The following CCDC142 variants were observed in gnomAD, a reference collection of about 807,000 sequenced individuals.
The protein encoded by CCDC142 is coiled-coil domain containing 142.
In CCDC142, 67 loss-of-function variants were observed where a neutral mutation model predicts 83.8. The ratio of observed to expected loss-of-function variants is 0.80; its 90% confidence interval spans 0.66 to 0.98. The LOEUF is 0.98. CCDC142 is among the 50% of genes least tolerant of loss of function. The pLI is 0.00. For missense variants in CCDC142, 905 were observed against 946.8 expected, an observed-to-expected ratio of 0.96 and a Z score of 0.58; for synonymous variants, 421 against 421.2, an observed-to-expected ratio of 1.00 and a Z score of 0.01.
At chr2:74,475,548 G>T in intron 6 of CCDC142, 64 bp downstream of exon 6, 2 of 1,487,328 alleles carry the variant, frequency 1.3e-6, no homozygotes, top group Non-Finnish European at 1.9e-6. Flanking sequence ...ACCGGAATTT[G>T]GAAGGGCTGA....
chr2:74,477,942 T>G (rs1295305952), intron 5 of CCDC142, among the ~76,000 whole-genome samples: 1 of 151,072 alleles, frequency 6.6e-6, no homozygotes, highest in African/African-American at 2.4e-5. Flanking sequence ...ACAGGGCACA[T>G]GTTCTCAGAT....
chr2:74,481,458 C>A lies in CCDC142; in HGVS notation c.1102G>T (p.Asp368Tyr). The A allele has an allele frequency of 6.2e-7, 1 of 1,614,066 alleles. No homozygotes were observed. Among genetic ancestry groups the A allele is most frequent in the South Asian group, 1.1e-5 (1 of 91,066 alleles). The change falls in exon 2 of 9, where the codon GAC (aspartate) becomes TAC (tyrosine). Residue 368 changes from aspartate to tyrosine, a missense_variant. Coordinates refer to ENST00000393965, the MANE Select transcript of CCDC142 (RefSeq NM_001365575.2). ...LLHQSLIWSW[D>Y]QGFCQALGSA... ...AGTGCCCCTTCCTTCTCACCTTGGT[C>A]CCAGCTCCAGATAAGCGACTGATGA...
In CCDC142 at chr2:74,472,869, C is replaced by T; in HGVS notation, c.*1677G>A. 1.7e-6 allele frequency: 1 copy of T among 604,102 alleles called. No individual in the cohort carries two copies. The highest frequency in any genetic ancestry group is 2.8e-5 in the East Asian group (1 of 36,022). 37.4% of individuals were successfully genotyped at this position (604,102 alleles called of 1,614,324 possible). ...AACGCATGGGGGAGCCCAAAGTAGG[C>T]TGTCAGCAAATACAGCCTATCATGA... is the stretch of plus-strand genomic sequence containing the variant. On this transcript the variant is annotated 3_prime_UTR_variant, in exon 9 of 9. Coordinates refer to ENST00000393965, the MANE Select transcript of CCDC142 (RefSeq NM_001365575.2).
At chr2:74,479,047 AGCTGGGCATTGTG>A (rs1246878330) in intron 5 of CCDC142, among the ~76,000 whole-genome samples, 1 of 149,234 alleles carries the variant, frequency 6.7e-6, no homozygotes, top group East Asian at 2.0e-4. Flanking sequence ...AAAAAAAAGT[AGCTGGGCATTGTG>A]GCTTCCACCT....
chr2:74,482,759 C>T lies in CCDC142; in HGVS notation c.79G>A (p.Gly27Arg), dbSNP rs1385975778. ...CGACTTCTCTCCCACTGCTCCTCCC[C>T]AGTGCCCCCGGGTTGCGCCCTCAGC... is the stretch of plus-strand genomic sequence containing the variant. ...PPLRAQPGGT[G>R]EEQWERSRTG... Residue 27 changes from glycine to arginine, a missense_variant, in exon 1 of 9, where the codon GGG becomes AGG. Gly to Arg is a moderately radical substitution (Grantham distance 125). Transcript: ENST00000393965. The surrounding 1 kb of genome is among the most constrained non-coding windows in gnomAD (Gnocchi z 5.0). The T allele has an allele frequency of 1.2e-6, 2 of 1,601,400 alleles. No individual in the cohort carries two copies. The highest frequency in any genetic ancestry group is 1.3e-5 in the African/African-American group (1 of 74,950).
In CCDC142 at chr2:74,482,885, G is replaced by A. The variant is rs772662169; in HGVS notation, c.-48C>T. On this transcript the variant is annotated 5_prime_UTR_variant, in exon 1 of 9. Coordinates refer to ENST00000393965, the MANE Select transcript of CCDC142 (RefSeq NM_001365575.2). The surrounding 1 kb of genome is among the most constrained non-coding windows in gnomAD (Gnocchi z 5.0). ...CCTAACGATTCCCACTTCCCTGCAC[G>A]GACCAACGCCCGCCGCAGCTCGGAC... 6.4e-7 allele frequency: 1 copy of A among 1,570,760 alleles called. No individual in the cohort carries two copies.
rs770434522 is a variant in CCDC142 at position 74,481,998 on chromosome 2, G to A, written c.840C>T (p.Gly280=). 1 of 1,613,710 alleles carries A rather than the reference G, an allele frequency of 6.2e-7. No homozygotes were observed. Among genetic ancestry groups the A allele is most frequent in the African/African-American group, 1.3e-5 (1 of 74,940 alleles). The part of the protein sequence containing the change: ...EEGDLLPGLL[G]LVGGVAGSAS... Reference sequence around the variant, plus strand: ...CTGAACCCGCCACGCCCCCGACCAGGCCCAGCAGCCCTGGTAGCAGATCCC... The same window carrying A: ...CTGAACCCGCCACGCCCCCGACCAGACCCAGCAGCCCTGGTAGCAGATCCC... Residue 280 remains glycine (G), a synonymous_variant, in exon 1 of 9, where the codon GGC becomes GGT. Transcript: ENST00000393965.
rs1420476808 is a variant in CCDC142, at chr2:74,482,870, C to T, written c.-33G>A. ...CGGGTCCAGAACGAACCTAACGATTCCCACTTCCCTGCACGGACCAACGCC... is the reference window on the plus strand; with the variant it reads ...CGGGTCCAGAACGAACCTAACGATTTCCACTTCCCTGCACGGACCAACGCC... On this transcript the variant is annotated 5_prime_UTR_variant, in exon 1 of 9. Transcript: ENST00000393965. This position sits in a 1 kb window ranked among gnomAD's most constrained non-coding sequence, Gnocchi z 5.0. The T allele has an allele frequency of 4.4e-6, 7 of 1,584,486 alleles. No homozygotes were observed. Among genetic ancestry groups the T allele is most frequent in the Non-Finnish European group, 6.0e-6 (7 of 1,171,350 alleles).
intron 3 of CCDC142, 54 bp downstream of exon 3, chr2:74,481,169 G>C: frequency 1.2e-6 from 2 of 1,611,906 alleles, no homozygotes; most frequent in Non-Finnish European, 1.7e-6. Context: ...CAGAGTGAAA[G>C]AAAAGAGATA....
chr2:74,476,255 C>T (rs1425757444), intron 5 of CCDC142, among the ~76,000 whole-genome samples: 1 of 152,134 alleles, frequency 6.6e-6, no homozygotes, highest in Non-Finnish European at 1.5e-5. Flanking sequence ...TCACTGCAAC[C>T]TCTGCCTCCC....
rs141112247 is a variant in CCDC142, at chr2:74,474,658, G to A, written c.2141C>T (p.Pro714Leu). ...CTGATTTCCCACCAGGTAGCCCTCC[G>A]GGCTAGGTCCCCTTCCTCCTAGTGT... ...QSTLGGRGPS[P>L]EGYLVGNQQA... The change falls in exon 9 of 9, where the codon CCG becomes CTG. Residue 714 changes from proline to leucine, a missense_variant. By Grantham distance (98) the Pro-to-Leu change is moderately conservative (BLOSUM62 -3). Transcript: ENST00000393965. 2.4e-5 allele frequency: 38 copies of A among 1,614,182 alleles called. No individual in the cohort carries two copies. The African/African-American group carries it at 3.5e-4, about 15-fold the overall frequency.
Position 74,482,692 on chromosome 2 carries a change from C to A in CCDC142, c.146G>T (p.Gly49Val). 1 of 1,609,848 alleles carries A rather than the reference C, an allele frequency of 6.2e-7. No individual in the cohort carries two copies. The highest frequency in any genetic ancestry group is 8.5e-7 in the Non-Finnish European group (1 of 1,179,966). The change falls in exon 1 of 9, where the codon GGA becomes GTA. Residue 49 changes from glycine to valine, a missense_variant. Physicochemically the swap from Gly to Val is moderately radical, Grantham distance 109 (BLOSUM62 -3). This residue lies in a region of CCDC142 where 591 missense variants were observed against 571.4 expected (regional missense o/e 1.03). Transcript: ENST00000393965. This position sits in a 1 kb window ranked among gnomAD's most constrained non-coding sequence, Gnocchi z 5.0. ...LRWEVHCWPS[G>V]TSGGTPWWPT... is the part of the protein sequence containing the mutation. ...CCACCACGGCGTCCCTCCAGAAGTTCCGCTCGGCCAGCAGTGAACCTCCCA... is the reference window on the plus strand; with the variant it reads ...CCACCACGGCGTCCCTCCAGAAGTTACGCTCGGCCAGCAGTGAACCTCCCA...
At chr2:74,479,040 A>G (rs1672389144) in intron 5 of CCDC142, among the ~76,000 whole-genome samples, 1 of 150,532 alleles carries the variant, frequency 6.6e-6, no homozygotes, top group African/African-American at 2.4e-5. Context: ...AAAAAAAAAA[A>G]AAAAGTAGCT....
chr2:74,481,545 G>A lies in CCDC142; in HGVS notation c.1022-7C>T. The A allele has an allele frequency of 1.2e-6, 2 of 1,613,692 alleles. No individual in the cohort carries two copies. The highest frequency in any genetic ancestry group is 8.5e-7 in the Non-Finnish European group (1 of 1,179,616). On this transcript the variant is annotated splice_polypyrimidine_tract_variant and splice_region_variant and intron_variant, in intron 1 of 8. Transcript: ENST00000393965. ...CACTCCTGAGGCAGGGATGCTAGTG[G>A]GAGAAATGACTCTGGGGCCTGAAAA...
chr2:74,479,924 C>T (rs1336904034), intron 5 of CCDC142, among the ~76,000 whole-genome samples: 5 of 152,036 alleles, frequency 3.3e-5, no homozygotes, highest in Admixed American at 6.6e-5. Flanking sequence ...AGAAATGTGC[C>T]GATAACTGGT....
rs1672306171 is a variant in CCDC142 at position 74,475,624 on chromosome 2, G to A, written c.1606C>T (p.Arg536Cys). ...YMPRGRYWRL[R>C]LCPEPPSAPS... is the part of the protein sequence containing the mutation. ...GATGAGGAGTTACCAGGACAGAGACGAAGCCGCCAGTACCGACCCCGTGGC... is the reference window on the plus strand; with the variant it reads ...GATGAGGAGTTACCAGGACAGAGACAAAGCCGCCAGTACCGACCCCGTGGC... Residue 536 changes from arginine (R) to cysteine (C), a missense_variant, in exon 6 of 9, where the codon CGT (arginine) becomes TGT (cysteine). Coordinates refer to ENST00000393965, the MANE Select transcript of CCDC142 (RefSeq NM_001365575.2). 2 of 1,613,548 alleles carry A rather than the reference G, an allele frequency of 1.2e-6. No individual in the cohort carries two copies. The highest frequency in any genetic ancestry group is 1.7e-5 in the Admixed American group (1 of 59,974).
In CCDC142 at chr2:74,474,399, A is replaced by T; in HGVS notation, c.*147T>A. ...GCCCAGCCCCTAATCTTGGATTCTT[A>T]AGCCCAGGCTCTTTGTAGCTTATTC... On this transcript the variant is annotated 3_prime_UTR_variant, in exon 9 of 9. Transcript: ENST00000393965. The T allele has an allele frequency of 9.0e-7, 1 of 1,107,294 alleles. No homozygotes were observed. Among genetic ancestry groups the T allele is most frequent in the Non-Finnish European group, 1.2e-6 (1 of 805,548 alleles). 68.6% of individuals were successfully genotyped at this position (1,107,294 alleles called of 1,614,324 possible).
chr2:74,473,304 A>G lies in CCDC142; in HGVS notation c.*1242T>C. 1 of 152,988 alleles carries G rather than the reference A, an allele frequency of 6.5e-6. No individual in the cohort carries two copies. The allele number at this position is 152,988 out of a possible 1,614,324, so 9.5% of individuals were successfully genotyped here. A position where few individuals can be genotyped will look rare whatever the true frequency, so the allele number is the denominator to read the frequency against. ...GAATTAGCGTAGCTCCCAGGACTTA[A>G]GTTGAAGTGCATTCTAGCCAGTTTT... On this transcript the variant is annotated 3_prime_UTR_variant, in exon 9 of 9. Coordinates refer to ENST00000393965, the MANE Select transcript of CCDC142 (RefSeq NM_001365575.2).
At chr2:74,477,891 G>A (rs1558573073) in intron 5 of CCDC142, among the ~76,000 whole-genome samples, 1 of 151,912 alleles carries the variant, frequency 6.6e-6, no homozygotes, top group African/African-American at 2.4e-5. Flanking sequence ...AGAACTTTGG[G>A]AGGCCAAGGC....
Sources: allele counts gnomAD v4.1 joint callset (sites outside exome capture counted in the v4.1 genomes callset), GRCh38; gene constraint gnomAD v4.1.1; regional missense constraint gnomAD v4.1.1; non-coding constraint Gnocchi (gnomAD v3.1); transcripts MANE v1.5; gene names NCBI Gene and HGNC (gene_info 2026-07-23, HGNC 2026-07-21).